Variants in ADK observed in about 807,000 individuals in gnomAD.
ADK encodes N6,N6-dimethyladenosine kinase.
A neutral mutation model predicts 44.7 loss-of-function variants in ADK; 24 were observed. The ratio of observed to expected loss-of-function variants is 0.54; its 90% CI spans 0.39 to 0.76. The LOEUF is 0.76. Among genes scored for constraint, ADK ranks in the 30% least tolerant of loss-of-function variants. The pLI is 0.00. For missense variants in ADK, 321 were observed against 425.1 expected (o/e 0.76, Z 2.15); for synonymous variants, 128 against 142.6 (o/e 0.90, Z 0.73).
At chr10:74,486,081 C>T (rs1410753832) in intron 6 of ADK, among the ~76,000 whole-genome samples, 1 of 152,018 alleles carries the variant, frequency 6.6e-6, no homozygotes, top group African/African-American at 2.4e-5. Context: ...CCCTATAATC[C>T]CCACGTGTCA....
At chr10:74,244,301 C>T (rs1169345696) in intron 3 of ADK, among the ~76,000 whole-genome samples, 1 of 152,096 alleles carries the variant, frequency 6.6e-6, no homozygotes, top group Non-Finnish European at 1.5e-5. Context: ...CCTGTTTTAT[C>T]TGCGACAATA....
intron 3 of ADK, among the ~76,000 whole-genome samples, chr10:74,230,572 G>T (rs948547770): frequency 4.0e-5 from 6 of 151,538 alleles, no homozygotes; most frequent in Non-Finnish European, 7.4e-5. Context: ...TAGAGATGAG[G>T]TCTCCTTATG....
intron 3 of ADK, among the ~76,000 whole-genome samples, chr10:74,281,787 A>G (rs950056633): frequency 6.6e-6 from 1 of 152,230 alleles, no homozygotes; most frequent in Non-Finnish European, 1.5e-5. Context: ...ATTGTTTTTT[A>G]CTAATATGAG....
intron 6 of ADK, among the ~76,000 whole-genome samples, chr10:74,410,371 A>T (rs564200677): frequency 5.3e-5 from 8 of 152,066 alleles, no homozygotes; most frequent in Admixed American, 1.3e-4. Context: ...ATTTTTTTTT[A>T]AAAAAGGTAA....
In ADK at chr10:74,708,576, G is replaced by C; in HGVS notation, c.*131G>C. On this transcript the variant is annotated 3_prime_UTR_variant, in exon 11 of 11. Coordinates refer to ENST00000539909, the MANE Select transcript of ADK (RefSeq NM_006721.4). ...TATAATAATGCTGAATCTTAATTTA[G>C]AGGGTACAAGGGTATGGTAATGCTT... The C allele has an allele frequency of 1.9e-6, 2 of 1,029,228 alleles. No individual in the cohort carries two copies. Among genetic ancestry groups the C allele is most frequent in the Non-Finnish European group, 2.9e-6 (2 of 700,096 alleles). 63.8% of individuals were successfully genotyped at this position (1,029,228 alleles called of 1,614,324 possible). A position where few individuals can be genotyped will look rare whatever the true frequency, so the allele number is the denominator to read the frequency against.
chr10:74,459,267 C>T (rs1001797951), intron 6 of ADK, among the ~76,000 whole-genome samples: 47 of 148,216 alleles, frequency 3.2e-4, no homozygotes, highest in African/African-American at 1.1e-3. Flanking sequence ...GGCAACAGAA[C>T]GAGACCTCAT....
chr10:74,543,095 T>C (rs1849702218), intron 7 of ADK, among the ~76,000 whole-genome samples: 1 of 151,692 alleles, frequency 6.6e-6, no homozygotes, highest in Non-Finnish European at 1.5e-5. Flanking sequence ...AAAGACGGGG[T>C]TTCACCATGT....
rs74890577 is a variant in ADK at position 74,473,193 on chromosome 10, GACAC to G, written c.556-52041_556-52038del. Among the ~76,000 whole-genome samples the G allele has an allele frequency of 1.2e-3, 178 of 149,636 alleles. 1 individual carries two copies. The highest frequency in any genetic ancestry group is 0.012 in the East Asian group (59 of 5,056). ...ATACACACACATACATATACACACA[GACAC>G]ACACACACACACACACACACATATA... is the stretch of plus-strand genomic sequence containing the variant. On this transcript the variant is annotated intron_variant, in intron 6 of 10. Coordinates refer to ENST00000539909, the MANE Select transcript of ADK (RefSeq NM_006721.4).
intron 3 of ADK, among the ~76,000 whole-genome samples, chr10:74,242,173 T>G (rs1845234427): frequency 1.3e-5 from 2 of 152,248 alleles, no homozygotes; most frequent in South Asian, 4.1e-4. Flanking sequence ...TGTTGAAGTA[T>G]GCTAATGGCA....
At chr10:74,473,213 CACACAT>C (rs1434788950) in intron 6 of ADK, among the ~76,000 whole-genome samples, 1 of 134,360 alleles carries the variant, frequency 7.4e-6, no homozygotes, top group Admixed American at 7.7e-5. Context: ...CACACACACA[CACACAT>C]ATAGAGAGAG....
chr10:74,250,815 C>T (rs1845625563), intron 3 of ADK, among the ~76,000 whole-genome samples: 1 of 152,146 alleles, frequency 6.6e-6, no homozygotes, highest in South Asian at 2.1e-4. Context: ...GGGTCTTGCT[C>T]TGTCACCCAT....
chr10:74,195,086 C>A (rs796721159), intron 1 of ADK, among the ~76,000 whole-genome samples: 1 of 87,036 alleles, frequency 1.1e-5, no homozygotes, highest in Non-Finnish European at 2.8e-5. Context: ...ACCGCTCCCC[C>A]CCCCAAAAAA....
At chr10:74,393,978 TAA>T (rs1322934892) in intron 4 of ADK, among the ~76,000 whole-genome samples, 161 bp from the exon 5 acceptor site, 5 of 152,220 alleles carry the variant, frequency 3.3e-5, no homozygotes, top group African/African-American at 9.7e-5. Flanking sequence ...GTTGTTATAT[TAA>T]GTTTTTTTAA....
chr10:74,367,141 A>T lies in ADK; in HGVS notation c.274-27000A>T, dbSNP rs560786957. The stretch of plus-strand genomic sequence containing the variant: ...GCAAATGCATTATATCCTCCATGAA[A>T]CCAGCTTTAATTTAGTTGCTAAACC... On this transcript the variant is annotated intron_variant, in intron 4 of 10. Transcript: ENST00000539909. Among the ~76,000 whole-genome samples the T allele has an allele frequency of 4.6e-5, 7 of 152,280 alleles. No individual in the cohort carries two copies. In the East Asian group the frequency reaches 1.2e-3, roughly 25 times the overall value.
intron 1 of ADK, among the ~76,000 whole-genome samples, chr10:74,178,121 A>G (rs191364199): frequency 3.4e-4 from 51 of 151,890 alleles, no homozygotes; most frequent in Non-Finnish European, 6.0e-4. Context: ...TTGTAGTTTT[A>G]GTAGAGATGG....
intron 7 of ADK, among the ~76,000 whole-genome samples, chr10:74,526,766 T>C (rs935343247): frequency 4.6e-5 from 7 of 152,208 alleles, no homozygotes; most frequent in Non-Finnish European, 7.3e-5. Context: ...TGGCAAGAAA[T>C]AGTGGTAATA....
intron 6 of ADK, among the ~76,000 whole-genome samples, chr10:74,400,576 T>A (rs1006817686): frequency 9.9e-5 from 15 of 152,210 alleles, no homozygotes; most frequent in African/African-American, 3.6e-4. Context: ...TGTAGTCTAG[T>A]CTAGTTTTTT....
chr10:74,441,141 A>T (rs186103134), intron 6 of ADK, among the ~76,000 whole-genome samples: 1 of 152,342 alleles, frequency 6.6e-6, no homozygotes, highest in African/African-American at 2.4e-5. Context: ...TTATGAAAAC[A>T]CATATACACA....
At position 74,708,130 on chromosome 10, in the gene ADK, A is replaced by G. The variant is rs1246771693; in HGVS notation, c.965-191A>G. On this transcript the variant is annotated intron_variant, in intron 10 of 10. Transcript: ENST00000539909. Reference sequence around the variant, plus strand: ...ATGCCACTGTACTCCAGCCTGCGTGACAGGGCAAGACTCCATCTCGGGGAA... The same window carrying G: ...ATGCCACTGTACTCCAGCCTGCGTGGCAGGGCAAGACTCCATCTCGGGGAA... Among the ~76,000 whole-genome samples the G allele has an allele frequency of 2.8e-5, 4 of 145,308 alleles. No homozygotes were observed. In the Admixed American group the frequency reaches 2.8e-4, roughly 10 times the overall value.
Sources: gnomAD v4.1 joint callset for allele counts (sites outside exome capture counted in the v4.1 genomes callset) on GRCh38, gnomAD v4.1.1 for gene constraint, MANE v1.5 for transcripts, NCBI Gene and HGNC (gene_info 2026-07-23, HGNC 2026-07-21) for gene names.